STK32B: variants seen among roughly 807,000 people sequenced by gnomAD.
STK32B encodes the protein serine/threonine-protein kinase 32B.
In STK32B, 43 loss-of-function variants were observed where a neutral mutation model predicts 52.6. The observed-to-expected ratio is 0.82, with a 90% CI of 0.64 to 1.05. The LOEUF is 1.05. STK32B is among the 50% of genes least tolerant of loss of function. The pLI is 0.00. For synonymous variants in STK32B, 238 were observed against 204.3 expected, an observed-to-expected ratio of 1.17 and a Z score of -1.41; for missense variants, 621 against 534.6, an observed-to-expected ratio of 1.16 and a Z score of -1.59.
intron 6 of STK32B, among the ~76,000 whole-genome samples, chr4:5,442,743 C>G (rs1477430025): frequency 2.6e-5 from 4 of 152,116 alleles, no homozygotes; most frequent in Non-Finnish European, 5.9e-5. Flanking sequence ...TGGCTGGTAC[C>G]GGTTGTTCCT....
At chr4:5,052,004 T>G in intron 1 of STK32B, 89 bp downstream of exon 1, 1 of 1,526,066 alleles carries the variant, frequency 6.6e-7, no homozygotes, top group Non-Finnish European at 8.9e-7. Context: ...CACCGCATGC[T>G]GCCCGGCGCG....
chr4:5,140,244 A>G (rs1469959773), intron 2 of STK32B: 1 of 1,435,586 alleles, frequency 7.0e-7, no homozygotes, highest in East Asian at 3.2e-5. Flanking sequence ...AGGAAAGTTG[A>G]AAAAAAACCC....
At chr4:5,359,046 C>T (rs571971119) in intron 4 of STK32B, among the ~76,000 whole-genome samples, 4 of 152,260 alleles carry the variant, frequency 2.6e-5, no homozygotes, top group South Asian at 4.2e-4. Context: ...AAATGTTCTA[C>T]GTGGGCTCAC....
chr4:5,439,758 T>C (rs1714523563), intron 6 of STK32B, among the ~76,000 whole-genome samples: 1 of 152,166 alleles, frequency 6.6e-6, no homozygotes, highest in Admixed American at 6.5e-5. Flanking sequence ...AAGTCTTTAA[T>C]CCATCTTGAA....
chr4:5,065,438 G>A (rs1742381975), intron 1 of STK32B, among the ~76,000 whole-genome samples: 1 of 152,162 alleles, frequency 6.6e-6, no homozygotes, highest in Non-Finnish European at 1.5e-5. Flanking sequence ...CCCACTGAGT[G>A]GCTGCAAGTG....
intron 11 of STK32B, among the ~76,000 whole-genome samples, chr4:5,485,533 C>A (rs984995695): frequency 2.6e-5 from 4 of 152,158 alleles, no homozygotes; most frequent in African/African-American, 9.7e-5. Flanking sequence ...TGGGCTCAAA[C>A]TTCCTCCTTT....
intron 2 of STK32B, among the ~76,000 whole-genome samples, chr4:5,159,542 T>A (rs376321126): frequency 2.3e-4 from 24 of 102,936 alleles, no homozygotes; most frequent in African/African-American, 8.5e-4. Flanking sequence ...TGTATATATG[T>A]ATATATATGA....
intron 3 of STK32B, among the ~76,000 whole-genome samples, chr4:5,243,713 G>T (rs1395279108): frequency 6.6e-6 from 1 of 152,114 alleles, no homozygotes; most frequent in Non-Finnish European, 1.5e-5. Context: ...TTGCCTGTGG[G>T]TTTGTCATAG....
At chr4:5,444,700 G>C (rs1415590828) in intron 6 of STK32B, among the ~76,000 whole-genome samples, 1 of 152,102 alleles carries the variant, frequency 6.6e-6, no homozygotes, top group Admixed American at 6.5e-5. Context: ...ACTCACTACG[G>C]GCCAGGCATC....
At chr4:5,232,018 C>T (rs1422030485) in intron 3 of STK32B, among the ~76,000 whole-genome samples, 1 of 152,116 alleles carries the variant, frequency 6.6e-6, no homozygotes. Context: ...CTGTCATGTG[C>T]CAGGGCTTGT....
Position 5,051,523 on chromosome 4 carries a change from C to A in STK32B, c.-341C>A. 1 of 333,084 alleles carries A rather than the reference C, an allele frequency of 3.0e-6. No individual in the cohort carries two copies. Among genetic ancestry groups the A allele is most frequent in the Non-Finnish European group, 5.4e-6 (1 of 185,172 alleles). The allele number at this position is 333,084 out of a possible 1,614,324, so 20.6% of individuals were successfully genotyped here. ...CTCCCGCGCCGCCTCGCGTCTCCCGCCCGCTGTAGCCGGCGAGGAGCGCCG... is the reference window on the plus strand; with the variant it reads ...CTCCCGCGCCGCCTCGCGTCTCCCGACCGCTGTAGCCGGCGAGGAGCGCCG... On this transcript the variant is annotated 5_prime_UTR_variant, in exon 1 of 12. Coordinates refer to ENST00000282908, the MANE Select transcript of STK32B (RefSeq NM_018401.3).
At chr4:5,422,530 A>G (rs1396543763) in intron 6 of STK32B, among the ~76,000 whole-genome samples, 1 of 152,212 alleles carries the variant, frequency 6.6e-6, no homozygotes, top group Non-Finnish European at 1.5e-5. Flanking sequence ...AAAAAAAAAG[A>G]TCTCTCTAAA....
chr4:5,369,917 C>T (rs1025577342), intron 4 of STK32B, among the ~76,000 whole-genome samples: 10 of 152,012 alleles, frequency 6.6e-5, no homozygotes. Flanking sequence ...GCTCTGTCGC[C>T]CAGGCTGGAG....
intron 3 of STK32B, among the ~76,000 whole-genome samples, chr4:5,312,790 G>T (rs995474044): frequency 2.6e-5 from 4 of 151,852 alleles, no homozygotes; most frequent in Non-Finnish European, 4.4e-5. Context: ...ATAGTCCTTT[G>T]GGTATATACC....
chr4:5,336,740 C>T (rs1215620777), intron 4 of STK32B, among the ~76,000 whole-genome samples: 2 of 151,946 alleles, frequency 1.3e-5, no homozygotes, highest in Non-Finnish European at 2.9e-5. Flanking sequence ...CAGATTTCAA[C>T]ACAAGAAACA....
chr4:5,073,693 T>G (rs966969015), intron 1 of STK32B, among the ~76,000 whole-genome samples: 1 of 152,080 alleles, frequency 6.6e-6, no homozygotes, highest in African/African-American at 2.4e-5. Flanking sequence ...CAGCCTTTAT[T>G]TAATTAAACA....
intron 1 of STK32B, among the ~76,000 whole-genome samples, chr4:5,084,401 A>G (rs865941826): frequency 6.6e-6 from 1 of 152,256 alleles, no homozygotes; most frequent in African/African-American, 2.4e-5. Flanking sequence ...GATAGTTAAC[A>G]TGAGTGGAAA....
intron 2 of STK32B, among the ~76,000 whole-genome samples, chr4:5,151,183 G>A (rs1717337942): frequency 1.3e-5 from 2 of 152,312 alleles, no homozygotes; most frequent in South Asian, 2.1e-4. Flanking sequence ...CATATAGAAT[G>A]TACACAAATG....
intron 2 of STK32B, among the ~76,000 whole-genome samples, chr4:5,150,539 T>A (rs952009590): frequency 6.6e-6 from 1 of 152,092 alleles, no homozygotes; most frequent in African/African-American, 2.4e-5. Flanking sequence ...ACATTGCATA[T>A]TCTGCCTCTT....
Sources: gnomAD v4.1 joint callset for allele counts (sites outside exome capture counted in the v4.1 genomes callset) on GRCh38, gnomAD v4.1.1 for gene constraint, MANE v1.5 for transcripts, NCBI Gene and HGNC (gene_info 2026-07-23, HGNC 2026-07-21) for gene names.